FAM174B: variants seen among roughly 807,000 people sequenced by gnomAD.
FAM174B encodes family with sequence similarity 174 member B, also known as membrane protein FAM174B.
A neutral mutation model predicts 10.9 loss-of-function variants in FAM174B; 12 were observed. The observed-to-expected ratio is 1.10, with a 90% CI of 0.71 to 1.79. The LOEUF (loss-of-function observed/expected upper bound fraction) is 1.79. Among genes scored for constraint, FAM174B ranks in the 40% most tolerant of loss-of-function variants. The pLI is 0.00. For synonymous variants in FAM174B, 132 were observed against 115.8 expected (o/e 1.14, Z -0.90); for missense variants, 266 against 233.3 (o/e 1.14, Z -0.91).
intron 2 of FAM174B, among the ~76,000 whole-genome samples, chr15:92,627,890 G>C (rs558323910): frequency 2.5e-4 from 38 of 152,270 alleles, no homozygotes; most frequent in Admixed American, 2.2e-3. Flanking sequence ...ATGGCTTAGC[G>C]ATAAAATCAA....
At chr15:92,645,097 A>C (rs1024533778) in intron 1 of FAM174B, among the ~76,000 whole-genome samples, 1 of 152,210 alleles carries the variant, frequency 6.6e-6, no homozygotes, top group Non-Finnish European at 1.5e-5. Context: ...AGCATGAGTG[A>C]TATTTAGTAA....
chr15:92,645,024 G>T (rs2050916907), intron 1 of FAM174B, among the ~76,000 whole-genome samples: 1 of 152,190 alleles, frequency 6.6e-6, no homozygotes, highest in South Asian at 2.1e-4. Flanking sequence ...TTCAGCCCCA[G>T]GCCATCAGTT....
chr15:92,627,921 G>C (rs1032335821), intron 2 of FAM174B, among the ~76,000 whole-genome samples: 38 of 152,118 alleles, frequency 2.5e-4, no homozygotes, highest in African/African-American at 9.2e-4. Context: ...AACTTTCCTA[G>C]GTACACGGAC....
Position 92,619,041 on chromosome 15 carries a change from TTC to T in FAM174B, c.*413_*414del. 2.7e-6 allele frequency: 1 copy of T among 373,644 alleles called. No homozygotes were observed. The highest frequency in any genetic ancestry group is 1.2e-4 in the South Asian group (1 of 8,412). 23.1% of individuals were successfully genotyped at this position (373,644 alleles called of 1,614,324 possible). On this transcript the variant is annotated 3_prime_UTR_variant, in exon 3 of 3. Coordinates refer to ENST00000327355, the MANE Select transcript of FAM174B (RefSeq NM_207446.3). ...ATCCAGTAGAGAAGAATGTCGGAAA[TTC>T]TAAATACACAGTTGGACATCCTTCA...
chr15:92,655,773 C>T lies in FAM174B; in HGVS notation c.-114G>A. 1 of 981,562 alleles carries T rather than the reference C, an allele frequency of 1.0e-6. No individual in the cohort carries two copies. Among genetic ancestry groups the T allele is most frequent in the Non-Finnish European group, 1.3e-6 (1 of 778,386 alleles). 60.8% of individuals were successfully genotyped at this position (981,562 alleles called of 1,614,324 possible). A position where few individuals can be genotyped will look rare whatever the true frequency, so the allele number is the denominator to read the frequency against. On this transcript the variant is annotated 5_prime_UTR_variant, in exon 1 of 3. Transcript: ENST00000327355. The stretch of plus-strand genomic sequence containing the variant: ...CTGCGGCGGAGGCGGCTGCGCGGTG[C>T]TTGGCAGGAAGCTGCGGCGCCCGGA...
intron 2 of FAM174B, among the ~76,000 whole-genome samples, chr15:92,623,960 T>TTCTTTCTTTC: frequency 6.6e-6 from 1 of 152,342 alleles, no homozygotes; most frequent in Non-Finnish European, 1.5e-5. Flanking sequence ...TCTTTTCTTT[T>TTCTTTCTTTC]TCTTTCTTTC....
At chr15:92,628,724 T>C (rs145347396) in intron 2 of FAM174B, among the ~76,000 whole-genome samples, 326 of 152,292 alleles carry the variant, frequency 2.1e-3, no homozygotes, top group Middle Eastern at 0.01. Flanking sequence ...TGTGATTCAC[T>C]AACAAACTGA....
intron 1 of FAM174B, among the ~76,000 whole-genome samples, chr15:92,645,256 C>T (rs374689085): frequency 1.1e-4 from 17 of 152,340 alleles, no homozygotes; most frequent in Middle Eastern, 3.4e-3. Flanking sequence ...ACCTCCTGGG[C>T]ACCATCCCAT....
At chr15:92,641,389 C>G (rs2050890751) in intron 1 of FAM174B, among the ~76,000 whole-genome samples, 1 of 152,232 alleles carries the variant, frequency 6.6e-6, no homozygotes, top group Non-Finnish European at 1.5e-5. Flanking sequence ...TATGTTTCCA[C>G]ATGTGTGAAA....
chr15:92,649,078 TC>T (rs2050947560), intron 1 of FAM174B, among the ~76,000 whole-genome samples: 1 of 152,202 alleles, frequency 6.6e-6, no homozygotes, highest in South Asian at 2.1e-4. Flanking sequence ...ACATTGGAGT[TC>T]CCTTAGTCCC....
chr15:92,617,685 A>C lies in FAM174B; in HGVS notation c.*1771T>G, dbSNP rs893513636. On this transcript the variant is annotated 3_prime_UTR_variant, in exon 3 of 3. Coordinates refer to ENST00000327355, the MANE Select transcript of FAM174B (RefSeq NM_207446.3). Reference sequence around the variant, plus strand: ...CAGTTCAAAGGTTGAGGGGGCGAACAGCTGCGAGGTGGCCAGGCTCCCGTG... The same window carrying C: ...CAGTTCAAAGGTTGAGGGGGCGAACCGCTGCGAGGTGGCCAGGCTCCCGTG... 1 of 681,782 alleles carries C rather than the reference A, an allele frequency of 1.5e-6. No homozygotes were observed. The highest frequency in any genetic ancestry group is 2.6e-6 in the Non-Finnish European group (1 of 377,532). 42.2% of individuals were successfully genotyped at this position (681,782 alleles called of 1,614,324 possible). A position where few individuals can be genotyped will look rare whatever the true frequency, so the allele number is the denominator to read the frequency against.
At chr15:92,631,482 T>TTTTA (rs1555421195) in intron 1 of FAM174B, among the ~76,000 whole-genome samples, 1 of 56,248 alleles carries the variant, frequency 1.8e-5, no homozygotes, top group African/African-American at 9.0e-5. Flanking sequence ...TTATAATATA[T>TTTTA]TATATATATA....
chr15:92,631,644 G>A (rs1172628542), intron 1 of FAM174B, among the ~76,000 whole-genome samples: 6 of 146,190 alleles, frequency 4.1e-5, no homozygotes, highest in Admixed American at 7.1e-5. Flanking sequence ...ACAGGCGCCC[G>A]CCACCACACC....
intron 1 of FAM174B, among the ~76,000 whole-genome samples, chr15:92,648,876 T>C (rs1466060324): frequency 6.6e-6 from 1 of 152,260 alleles, no homozygotes; most frequent in Admixed American, 6.5e-5. Context: ...AAGTATAGTT[T>C]ATTTTTTAAG....
intron 1 of FAM174B, among the ~76,000 whole-genome samples, chr15:92,634,848 A>G (rs1415140654): frequency 6.6e-6 from 1 of 152,190 alleles, no homozygotes; most frequent in African/African-American, 2.4e-5. Context: ...GCTTGAATAG[A>G]ACAAAAAAAC....
chr15:92,631,434 T>TATATAATATAATATATA (rs1484911333), intron 1 of FAM174B, among the ~76,000 whole-genome samples: 1 of 35,768 alleles, frequency 2.8e-5, no homozygotes. Flanking sequence ...TATAATATAA[T>TATATAATATAATATATA]ATATTATATA....
intron 1 of FAM174B, among the ~76,000 whole-genome samples, chr15:92,640,304 C>T (rs1310451055): frequency 1.3e-5 from 2 of 152,118 alleles, no homozygotes; most frequent in Non-Finnish European, 2.9e-5. Context: ...GTAATCCCAG[C>T]ACTTTGGGAG....
chr15:92,646,550 C>G (rs970783230), intron 1 of FAM174B, among the ~76,000 whole-genome samples: 5 of 152,120 alleles, frequency 3.3e-5, no homozygotes, highest in African/African-American at 1.2e-4. Context: ...AAAGCTAACC[C>G]GAAAAACTAA....
chr15:92,639,695 T>C (rs2050877941), intron 1 of FAM174B, among the ~76,000 whole-genome samples: 1 of 152,136 alleles, frequency 6.6e-6, no homozygotes, highest in Admixed American at 6.5e-5. Context: ...GCGCTGTTCT[T>C]ATGATAGTGA....
Sources: allele counts gnomAD v4.1 joint callset (sites outside exome capture counted in the v4.1 genomes callset), GRCh38; gene constraint gnomAD v4.1.1; transcripts MANE v1.5; gene names NCBI Gene and HGNC (gene_info 2026-07-23, HGNC 2026-07-21).